CASTOR2: variants seen among roughly 807,000 people sequenced by gnomAD.
CASTOR2 encodes the protein cytosolic arginine sensor for mTORC1 subunit 2.
Under a neutral mutation model 31.2 loss-of-function variants are expected in CASTOR2, and 8 were observed. The ratio of observed to expected loss-of-function variants is 0.26; its 90% CI spans 0.15 to 0.46. The LOEUF (loss-of-function observed/expected upper bound fraction) is 0.46. CASTOR2 is among the 20% of genes least tolerant of loss of function. The probability of loss-of-function intolerance (pLI) is 0.99; values close to 1 mark genes in which losing one functional copy is unlikely to be tolerated. For missense variants in CASTOR2, 216 were observed against 382.1 expected (o/e 0.57, Z 3.62); for synonymous variants, 162 against 158.7 (o/e 1.02, Z -0.16).
At chr7:75,002,071 G>GTTTTA (rs1166007974) in intron 1 of CASTOR2, among the ~76,000 whole-genome samples, 8 of 152,014 alleles carry the variant, frequency 5.3e-5, no homozygotes, top group East Asian at 1.9e-4. Context: ...ATCAGGCAGG[G>GTTTTA]TTTTATTTTA....
In CASTOR2 at chr7:75,026,189, G is replaced by GTTTTTTTTTTTTTTTT. The variant is rs879121750; in HGVS notation, c.*1492_*1507dup. 8.2e-4 allele frequency among the ~76,000 whole-genome samples: 97 copies of GTTTTTTTTTTTTTTTT among 117,704 alleles called. 5 individuals are homozygous for GTTTTTTTTTTTTTTTT. Among genetic ancestry groups the GTTTTTTTTTTTTTTTT allele is most frequent in the Admixed American group, 1.4e-3 (15 of 10,768 alleles). 77.2% of individuals were successfully genotyped at this position (117,704 alleles called of 152,430 possible). The stretch of plus-strand genomic sequence containing the variant: ...CCCTGTGGTTTTGGCTCTGGCGGGG[G>GTTTTTTTTTTTTTTTT]TTTTTTTTTTTTTTTTTGAGATGGG... On this transcript the variant is annotated 3_prime_UTR_variant, in exon 9 of 9. Transcript: ENST00000616305.
intron 1 of CASTOR2, among the ~76,000 whole-genome samples, chr7:74,986,359 C>T (rs1367432347): frequency 7.2e-5 from 11 of 151,798 alleles, no homozygotes; most frequent in Non-Finnish European, 1.5e-4. Flanking sequence ...GGTGTGGTGA[C>T]GGGTGCCTGT....
At chr7:75,016,137 A>G (rs1804858759) in intron 2 of CASTOR2, among the ~76,000 whole-genome samples, 1 of 151,432 alleles carries the variant, frequency 6.6e-6, no homozygotes, top group African/African-American at 2.4e-5. Flanking sequence ...CCCCCTCCCC[A>G]CTCAGGGCCT....
Position 75,011,523 on chromosome 7 carries a change from A to G in CASTOR2, c.184+3459A>G, listed in dbSNP as rs1474801802. Among the ~76,000 whole-genome samples, 68 of 151,668 alleles carry G rather than the reference A, an allele frequency of 4.5e-4. 1 individual carries two copies. The highest frequency in any genetic ancestry group is 1.6e-3 in the African/African-American group (67 of 41,320). On this transcript the variant is annotated intron_variant, in intron 2 of 8. Coordinates refer to ENST00000616305, the MANE Select transcript of CASTOR2 (RefSeq NM_001145064.3). ...GCCGAGGTGGGTGGATCACGAGGTC[A>G]GGAGATTGAGACCATCCTGGCTAAC... is the stretch of plus-strand genomic sequence containing the variant.
At chr7:75,021,704 C>T (rs898748839) in intron 6 of CASTOR2, among the ~76,000 whole-genome samples, 170 bp from the exon 7 acceptor site, 7 of 152,220 alleles carry the variant, frequency 4.6e-5, no homozygotes, top group East Asian at 1.9e-4. Flanking sequence ...AGGAGGCCGC[C>T]GGGCGAATGG....
chr7:75,024,711 C>T lies in CASTOR2; in HGVS notation c.*12C>T, dbSNP rs896942299. 2.2e-4 allele frequency: 337 copies of T among 1,551,610 alleles called. 1 individual carries two copies. The African/African-American group carries it at 4.0e-3, about 19-fold the overall frequency. ...CAGAGAAGCACTAGAAGGGTCTCTT[C>T]TGCTCCTCCCTGCCGCCGCCCGGGC... On this transcript the variant is annotated 3_prime_UTR_variant, in exon 9 of 9. Coordinates refer to ENST00000616305, the MANE Select transcript of CASTOR2 (RefSeq NM_001145064.3).
chr7:75,019,428 C>G (rs1324122935), intron 5 of CASTOR2, among the ~76,000 whole-genome samples: 5 of 152,128 alleles, frequency 3.3e-5, no homozygotes, highest in Non-Finnish European at 7.4e-5. Flanking sequence ...AGGTAGGAGA[C>G]ACAGACCCAC....
chr7:74,986,871 C>T (rs1804078636), intron 1 of CASTOR2, among the ~76,000 whole-genome samples: 1 of 151,460 alleles, frequency 6.6e-6, no homozygotes, highest in Non-Finnish European at 1.5e-5. Context: ...TGTAGTAAGA[C>T]CCCCATCTTG....
At chr7:74,989,716 G>C (rs1160455930) in intron 1 of CASTOR2, among the ~76,000 whole-genome samples, 3 of 151,882 alleles carry the variant, frequency 2.0e-5, no homozygotes, top group Non-Finnish European at 4.4e-5. Context: ...ACCCAGCCTG[G>C]ATTAATCTCA....
intron 2 of CASTOR2, among the ~76,000 whole-genome samples, chr7:75,015,000 C>T (rs1438131363): frequency 1.3e-5 from 2 of 152,246 alleles, no homozygotes; most frequent in African/African-American, 4.8e-5. Context: ...AGACTGGGGC[C>T]GCCCTTTCCC....
chr7:75,018,574 A>G lies in CASTOR2; in HGVS notation c.512-398A>G, dbSNP rs1484714621. Among the ~76,000 whole-genome samples, 3 of 151,924 alleles carry G rather than the reference A, an allele frequency of 2.0e-5. No individual in the cohort carries two copies. The East Asian group carries it at 5.8e-4, about 29-fold the overall frequency. The stretch of plus-strand genomic sequence containing the variant: ...AAAATGTGATGGAAAGGTCCTAGGC[A>G]GGCCTTGCTGCCGTGTCTAGCAAGG... On this transcript the variant is annotated intron_variant, in intron 4 of 8. Coordinates refer to ENST00000616305, the MANE Select transcript of CASTOR2 (RefSeq NM_001145064.3).
At chr7:75,018,830 T>C (rs1462673455) in intron 4 of CASTOR2, 142 bp from the exon 5 acceptor site, 6 of 1,358,012 alleles carry the variant, frequency 4.4e-6, no homozygotes, top group African/African-American at 1.4e-5. Context: ...TAATTGGTGG[T>C]AGAGGCTGGA....
chr7:74,995,582 C>T (rs1451680814), intron 1 of CASTOR2, among the ~76,000 whole-genome samples: 2 of 148,592 alleles, frequency 1.3e-5, no homozygotes, highest in Non-Finnish European at 1.5e-5. Context: ...CCGTGGCGGG[C>T]GGGTCACGAG....
intron 1 of CASTOR2, among the ~76,000 whole-genome samples, chr7:74,994,172 C>A (rs1400601137): frequency 6.6e-6 from 1 of 152,256 alleles, no homozygotes; most frequent in Non-Finnish European, 1.5e-5. Context: ...AGCTTCTCGG[C>A]CCAGATCAGG....
intron 1 of CASTOR2, among the ~76,000 whole-genome samples, chr7:75,007,700 C>G (rs1804637054): frequency 1.3e-5 from 2 of 152,220 alleles, no homozygotes; most frequent in African/African-American, 2.4e-5. Context: ...TCCGAGAAAA[C>G]TTGGGATCTT....
intron 1 of CASTOR2, among the ~76,000 whole-genome samples, chr7:74,973,352 T>C (rs1377124796): frequency 9.6e-5 from 13 of 135,440 alleles, no homozygotes; most frequent in Middle Eastern, 3.6e-3. Context: ...TTTTTTTTTT[T>C]TTTTTTGAGA....
chr7:74,978,188 C>T (rs1168896513), intron 1 of CASTOR2, among the ~76,000 whole-genome samples: 1 of 149,212 alleles, frequency 6.7e-6, no homozygotes, highest in Non-Finnish European at 1.5e-5. Flanking sequence ...ATTGCAACTT[C>T]CATCTCCTGG....
chr7:75,024,328 G>C (rs1805073597), intron 7 of CASTOR2, 112 bp from the exon 8 acceptor site: 2 of 1,033,872 alleles, frequency 1.9e-6, no homozygotes, highest in African/African-American at 3.2e-5. Flanking sequence ...AATTCTCTAG[G>C]AGGATGGTGG....
rs1318462215 is a variant in CASTOR2, at chr7:75,012,590, AACT to A, written c.184+4530_184+4532del. Among the ~76,000 whole-genome samples the A allele has an allele frequency of 4.6e-5, 7 of 150,826 alleles. No homozygotes were observed. In the East Asian group the frequency reaches 1.4e-3, roughly 30 times the overall value. ...CCAAAGTGCTGGGATTACAGGCATG[AACT>A]ACTGCACCTAGCCCACTGGCTAGTT... On this transcript the variant is annotated intron_variant, in intron 2 of 8. Coordinates refer to ENST00000616305, the MANE Select transcript of CASTOR2 (RefSeq NM_001145064.3).
Sources: gnomAD v4.1 joint callset for allele counts (sites outside exome capture counted in the v4.1 genomes callset) on GRCh38, gnomAD v4.1.1 for gene constraint, MANE v1.5 for transcripts, NCBI Gene and HGNC (gene_info 2026-07-23, HGNC 2026-07-21) for gene names.